MYOM3: variants seen among roughly 807,000 people sequenced by gnomAD.
MYOM3 encodes myomesin 3.
A neutral mutation model predicts 191.7 loss-of-function variants in MYOM3; 155 were observed. The ratio of observed to expected loss-of-function variants is 0.81; its 90% CI spans 0.71 to 0.92. MYOM3 has a LOEUF of 0.92. Ranked by LOEUF, MYOM3 falls within the 40% of genes least tolerant of loss-of-function variation. The pLI, the probability that MYOM3 is intolerant of heterozygous loss-of-function variation, is 0.00. For synonymous variants in MYOM3, 757 were observed against 762.9 expected (o/e 0.99, Z 0.13); for missense variants, 1,889 against 1,890.6 (o/e 1.00, Z 0.02).
Position 24,076,272 on chromosome 1 carries a change from A to T in MYOM3, c.2588T>A (p.Val863Asp). The T allele has an allele frequency of 6.2e-7, 1 of 1,613,206 alleles. No homozygotes were observed. Among genetic ancestry groups the T allele is most frequent in the Non-Finnish European group, 8.5e-7 (1 of 1,179,232 alleles). Reference sequence around the variant, plus strand: ...ACTCTTTCCTGGCTGCAAGTCGGAAACCTGGGGGCAGAGGGCAAGAGCCAG... The same window carrying T: ...ACTCTTTCCTGGCTGCAAGTCGGAATCCTGGGGGCAGAGGGCAAGAGCCAG... ...PGPISGTHLR[V>D]SDLQPGKSYV... is the part of the protein sequence containing the mutation. The change falls in exon 21 of 37, where the codon GTT becomes GAT. Residue 863 changes from valine (V) to aspartate (D), a missense_variant and splice_region_variant. Coordinates refer to ENST00000374434, the MANE Select transcript of MYOM3 (RefSeq NM_152372.4).
At chr1:24,072,605 G>A (rs1332628517) in intron 23 of MYOM3, among the ~76,000 whole-genome samples, 1 of 151,992 alleles carries the variant, frequency 6.6e-6, no homozygotes, top group Non-Finnish European at 1.5e-5. Context: ...TGCAATCTTG[G>A]CTCACTGCAA....
intron 14 of MYOM3, 59 bp from the exon 15 acceptor site, chr1:24,086,886 G>C: frequency 2.0e-6 from 3 of 1,537,292 alleles, no homozygotes; most frequent in East Asian, 2.2e-5. Flanking sequence ...CTCTGTGCTG[G>C]TCACCTCCCA....
rs750489138 is a variant in MYOM3 at position 24,091,025 on chromosome 1, C to T, written c.1233-29G>A. 5.0e-6 allele frequency: 8 copies of T among 1,611,682 alleles called. No individual in the cohort carries two copies. In the East Asian group the frequency reaches 1.6e-4, roughly 31 times the overall value. On this transcript the variant is annotated intron_variant, in intron 11 of 36. Coordinates refer to ENST00000374434, the MANE Select transcript of MYOM3 (RefSeq NM_152372.4). ...TTGGAGACAGGCCCCCCCTTTCAGC[C>T]CCTGCCCACAATGCACACCTTCCCA...
rs1261673889 is a variant in MYOM3 at position 24,092,260 on chromosome 1, C to T, written c.1146G>A (p.Leu382=). The change falls in exon 11 of 37, where the codon CTG becomes CTA. Residue 382 remains leucine (L), a synonymous_variant. Coordinates refer to ENST00000374434, the MANE Select transcript of MYOM3 (RefSeq NM_152372.4). The stretch of plus-strand genomic sequence containing the variant: ...GGATGAGGCAGTCTCTGTTCACATC[C>T]AGGCATCGGACGTTCAGTGGGGAGC... ...APGSPLNVRC[L]DVNRDCLILT... 7.8e-6 allele frequency: 11 copies of T among 1,405,640 alleles called. No homozygotes were observed. The highest frequency in any genetic ancestry group is 9.3e-6 in the Non-Finnish European group (10 of 1,070,454). The allele number at this position is 1,405,640 out of a possible 1,614,324, so 87.1% of individuals were successfully genotyped here. A position where few individuals can be genotyped will look rare whatever the true frequency, so the allele number is the denominator to read the frequency against.
chr1:24,080,212 T>C lies in MYOM3; in HGVS notation c.2408-18A>G. On this transcript the variant is annotated intron_variant, in intron 19 of 36. Transcript: ENST00000374434. ...CGGGGGGCCTGTGACAAGTGAGAGA[T>C]GGGAAGAGATGTGTGAGTTGGGCAG... 1.3e-6 allele frequency: 2 copies of C among 1,588,760 alleles called. No individual in the cohort carries two copies. The highest frequency in any genetic ancestry group is 1.4e-5 in the African/African-American group (1 of 73,820).
chr1:24,096,058 T>C (rs1301053468), intron 7 of MYOM3, among the ~76,000 whole-genome samples: 7 of 152,088 alleles, frequency 4.6e-5, no homozygotes, highest in African/African-American at 1.7e-4. Flanking sequence ...GCCCTGTCAG[T>C]TGGTACTATT....
At chr1:24,093,309 G>C (rs1480198556) in intron 9 of MYOM3, among the ~76,000 whole-genome samples, 1 of 152,176 alleles carries the variant, frequency 6.6e-6, no homozygotes, top group African/African-American at 2.4e-5. Flanking sequence ...CAGAGGGCTT[G>C]GGGAGTAGGG....
intron 6 of MYOM3, among the ~76,000 whole-genome samples, 173 bp downstream of exon 6, chr1:24,099,507 G>C (rs1643896503): frequency 7.4e-6 from 1 of 134,704 alleles, no homozygotes; most frequent in South Asian, 2.9e-4. Context: ...GAATCTCTGG[G>C]GGTGGGGGGA....
chr1:24,086,732 C>T lies in MYOM3; in HGVS notation c.1710G>A (p.Ser570=), dbSNP rs200272032. 1.2e-4 allele frequency: 198 copies of T among 1,614,168 alleles called. No individual in the cohort carries two copies. The highest frequency in any genetic ancestry group is 1.4e-4 in the Non-Finnish European group (170 of 1,180,022). Residue 570 remains serine (S), a synonymous_variant, in exon 15 of 37, where the codon TCG becomes TCA. Coordinates refer to ENST00000374434, the MANE Select transcript of MYOM3 (RefSeq NM_152372.4). The stretch of plus-strand genomic sequence containing the variant: ...TCATTGCTCGCACTCTGAAGACATA[C>T]GACTTCTTTTTCTCCAGGTCCAGAA... ...FAVLDLEKKK[S]YVFRVRAMNQ...
Position 24,065,879 on chromosome 1 carries a change from A to G in MYOM3, c.3534+12T>C. ...AGGAGAAAGTGAGCCCTGAAGCTGG[A>G]GCCACACTTGCCTCTTCAATGCAGA... is the stretch of plus-strand genomic sequence containing the variant. On this transcript the variant is annotated intron_variant, in intron 29 of 36. Coordinates refer to ENST00000374434, the MANE Select transcript of MYOM3 (RefSeq NM_152372.4). 6.3e-7 allele frequency: 1 copy of G among 1,575,128 alleles called. No individual in the cohort carries two copies. Among genetic ancestry groups the G allele is most frequent in the Non-Finnish European group, 8.7e-7 (1 of 1,144,438 alleles).
In MYOM3 at chr1:24,098,021, A is replaced by C; in HGVS notation, c.657-10T>G. On this transcript the variant is annotated splice_polypyrimidine_tract_variant and intron_variant, in intron 6 of 36. Transcript: ENST00000374434. ...GTCCTCAATGGCGCATCTGAAAAGG[A>C]GAGAGGGAGAAGTTCCTCCCAAGAC... The C allele has an allele frequency of 6.3e-7, 1 of 1,588,934 alleles. No individual in the cohort carries two copies.
chr1:24,074,902 T>G (rs1172880499), intron 22 of MYOM3, among the ~76,000 whole-genome samples: 4 of 151,876 alleles, frequency 2.6e-5, no homozygotes, highest in Admixed American at 2.6e-4. Flanking sequence ...CTAGACAACA[T>G]AGCGAGACCC....
At chr1:24,104,114 G>T (rs1643962705) in intron 5 of MYOM3, among the ~76,000 whole-genome samples, 1 of 152,176 alleles carries the variant, frequency 6.6e-6, no homozygotes, top group East Asian at 1.9e-4. Context: ...ATCCTTACCT[G>T]TGTAATAGGC....
chr1:24,090,434 G>T (rs183317492), intron 12 of MYOM3, among the ~76,000 whole-genome samples: 1 of 152,186 alleles, frequency 6.6e-6, no homozygotes, highest in Non-Finnish European at 1.5e-5. Flanking sequence ...CGTGGCTCCC[G>T]AGGGCTGAGA....
Position 24,066,834 on chromosome 1 carries a change from G to A in MYOM3, c.3423+187C>T, listed in dbSNP as rs777543184. ...CTCACACGAATCCTACCCCATGGGC[G>A]CTGGGAAGGTGGGTTTGCTTTTTGG... On this transcript the variant is annotated intron_variant, in intron 28 of 36. Transcript: ENST00000374434. The A allele has an allele frequency of 1.4e-5, 8 of 555,044 alleles. No individual in the cohort carries two copies. The East Asian group carries it at 1.8e-4, about 12-fold the overall frequency. The allele number at this position is 555,044 out of a possible 1,614,324, so 34.4% of individuals were successfully genotyped here.
In MYOM3 at chr1:24,090,451, C is replaced by T. The variant is rs113832249; in HGVS notation, c.1433-333G>A. On this transcript the variant is annotated intron_variant, in intron 12 of 36. Transcript: ENST00000374434. ...TGGCTCCCGAGGGCTGAGAGGAGGCCGTGTCCCCGCACTCGAGCTTAAGGA... is the reference window on the plus strand; with the variant it reads ...TGGCTCCCGAGGGCTGAGAGGAGGCTGTGTCCCCGCACTCGAGCTTAAGGA... Among the ~76,000 whole-genome samples the T allele has an allele frequency of 1.8e-3, 268 of 152,288 alleles. 1 individual carries two copies. The highest frequency in any genetic ancestry group is 5.4e-3 in the African/African-American group (223 of 41,550).
Position 24,056,663 on chromosome 1 carries a change from C to T in MYOM3, c.*701G>A, listed in dbSNP as rs1643305200. 1 of 152,452 alleles carries T rather than the reference C, an allele frequency of 6.6e-6. No homozygotes were observed. Among genetic ancestry groups the T allele is most frequent in the Non-Finnish European group, 1.5e-5 (1 of 68,238 alleles). 9.4% of individuals were successfully genotyped at this position (152,452 alleles called of 1,614,324 possible). On this transcript the variant is annotated 3_prime_UTR_variant, in exon 37 of 37. Coordinates refer to ENST00000374434, the MANE Select transcript of MYOM3 (RefSeq NM_152372.4). ...GGATTACAGGCGTGAGCCACCTCGC[C>T]CAGCCTGGATGAAGGTGTTTTCAAA...
At position 24,067,065 on chromosome 1, in the gene MYOM3, G is replaced by C. The variant is rs1284199658; in HGVS notation, c.3379C>G (p.Gln1127Glu). ...TGGCAGTCCTCCGTGACCTTCCACT[G>C]CAACGGCCGCTCAAAATAGGGACCT... ...KQGPYFERPL[Q>E]WKVTEDCQVQ... Residue 1127 changes from glutamine to glutamate, a missense_variant, in exon 28 of 37, where the codon CAG becomes GAG. Physicochemically the swap from Gln to Glu is conservative, Grantham distance 29. Coordinates refer to ENST00000374434, the MANE Select transcript of MYOM3 (RefSeq NM_152372.4). 3 of 1,578,886 alleles carry C rather than the reference G, an allele frequency of 1.9e-6. No individual in the cohort carries two copies. In the Admixed American group the frequency reaches 5.3e-5, roughly 28 times the overall value.
intron 25 of MYOM3, among the ~76,000 whole-genome samples, chr1:24,069,677 T>G (rs1643499668): frequency 6.6e-6 from 1 of 151,924 alleles, no homozygotes; most frequent in Admixed American, 6.6e-5. Flanking sequence ...TGGCACGATT[T>G]TGGCTCACTG....
Sources: allele counts gnomAD v4.1 joint callset (sites outside exome capture counted in the v4.1 genomes callset), GRCh38; gene constraint gnomAD v4.1.1; transcripts MANE v1.5; gene names NCBI Gene and HGNC (gene_info 2026-07-23, HGNC 2026-07-21).